The following CHCHD4 variants were observed in gnomAD, a reference collection of about 807,000 sequenced individuals.
The protein encoded by CHCHD4 is coiled-coil-helix-coiled-coil-helix domain containing 4.
Under a neutral mutation model 12.4 loss-of-function variants are expected in CHCHD4, and 7 were observed. The observed-to-expected ratio is 0.57, with a 90% CI of 0.32 to 1.06. The LOEUF (loss-of-function observed/expected upper bound fraction) is 1.06. CHCHD4 is among the 50% of genes least tolerant of loss of function. The pLI is 0.04. For missense variants in CHCHD4, 143 were observed against 175.1 expected, an observed-to-expected ratio of 0.82 and a Z score of 1.03; for synonymous variants, 56 against 58.0, an observed-to-expected ratio of 0.97 and a Z score of 0.16.
chr3:14,124,533 A>C, intron 1 of CHCHD4, 122 bp downstream of exon 1: 1 of 802,920 alleles, frequency 1.2e-6, no homozygotes. Context: ...CGAGTGTCCC[A>C]GGGTGGGCAC....
chr3:14,117,649 T>C (rs963589695), intron 1 of CHCHD4, among the ~76,000 whole-genome samples: 1 of 152,196 alleles, frequency 6.6e-6, no homozygotes, highest in Non-Finnish European at 1.5e-5. Context: ...CGGTGGGTCA[T>C]CAGTTTCTCC....
At position 14,113,219 on chromosome 3, in the gene CHCHD4, T is replaced by G. The variant is rs189634026; in HGVS notation, c.122-25A>C. The G allele has an allele frequency of 3.5e-5, 54 of 1,553,990 alleles. No individual in the cohort carries two copies. The East Asian group carries it at 9.7e-4, about 28-fold the overall frequency. On this transcript the variant is annotated intron_variant, in intron 2 of 2. Coordinates refer to ENST00000396914, the MANE Select transcript of CHCHD4 (RefSeq NM_001098502.2). ...CCTAGAACAGGAAGATAGAGAGATGTTCTCTAAAGTTTCAGAAAATACAAA... is the reference window on the plus strand; with the variant it reads ...CCTAGAACAGGAAGATAGAGAGATGGTCTCTAAAGTTTCAGAAAATACAAA...
chr3:14,114,204 TC>T (rs1694851626), intron 2 of CHCHD4, among the ~76,000 whole-genome samples: 1 of 152,186 alleles, frequency 6.6e-6, no homozygotes, highest in South Asian at 2.1e-4. Flanking sequence ...GCTCCACTGA[TC>T]AATGGATCTG....
intron 1 of CHCHD4, among the ~76,000 whole-genome samples, chr3:14,119,765 T>C (rs1451948345): frequency 6.6e-6 from 1 of 152,192 alleles, no homozygotes; most frequent in Non-Finnish European, 1.5e-5. Flanking sequence ...GTCTGAGAAC[T>C]GGAGTTCAAA....
chr3:14,124,763 G>A lies in CHCHD4; in HGVS notation c.-87C>T. 4 of 1,420,508 alleles carry A rather than the reference G, an allele frequency of 2.8e-6. No homozygotes were observed. Among genetic ancestry groups the A allele is most frequent in the Non-Finnish European group, 3.7e-6 (4 of 1,067,846 alleles). 88.0% of individuals were successfully genotyped at this position (1,420,508 alleles called of 1,614,324 possible). A position where few individuals can be genotyped will look rare whatever the true frequency, so the allele number is the denominator to read the frequency against. On this transcript the variant is annotated 5_prime_UTR_variant, in exon 1 of 3. Transcript: ENST00000396914. ...CGTGACCTCCCTCTCCTCTGGCAGG[G>A]CGGGCTCCTCCGAAGCCCGCGCGGA...
intron 2 of CHCHD4, 78 bp from the exon 3 acceptor site, chr3:14,113,272 G>T (rs916366476): frequency 1.6e-6 from 2 of 1,227,186 alleles, no homozygotes. Flanking sequence ...AGGCTACTGA[G>T]GGGGTGCAGA....
At chr3:14,119,868 G>A (rs1574932133) in intron 1 of CHCHD4, among the ~76,000 whole-genome samples, 3 of 152,150 alleles carry the variant, frequency 2.0e-5, no homozygotes, top group South Asian at 2.1e-4. Flanking sequence ...CCTACCTCAC[G>A]TGGTTGGGGA....
At chr3:14,117,959 T>C (rs143207074) in intron 1 of CHCHD4, among the ~76,000 whole-genome samples, 154 of 152,336 alleles carry the variant, frequency 1.0e-3, no homozygotes, top group Middle Eastern at 3.4e-3. Context: ...TTGTGCACCT[T>C]GGGCAATGAA....
In CHCHD4 at chr3:14,116,537, G is replaced by A. The variant is rs1198145096; in HGVS notation, c.23-13C>T. On this transcript the variant is annotated splice_polypyrimidine_tract_variant and intron_variant, in intron 1 of 2. Coordinates refer to ENST00000396914, the MANE Select transcript of CHCHD4 (RefSeq NM_001098502.2). ...ATTCGATCCTTCCCTAGTGTTTGGA[G>A]AACAGAGGAAGAAATATTTCATTCA... The A allele has an allele frequency of 6.4e-7, 1 of 1,564,402 alleles. No homozygotes were observed. The highest frequency in any genetic ancestry group is 8.8e-7 in the Non-Finnish European group (1 of 1,134,266).
chr3:14,124,560 G>C, intron 1 of CHCHD4, 95 bp downstream of exon 1: 14 of 1,228,692 alleles, frequency 1.1e-5, no homozygotes, highest in Non-Finnish European at 1.5e-5. Flanking sequence ...CGCGCCTCAG[G>C]TGGCCCGCGC....
chr3:14,121,955 A>C, intron 1 of CHCHD4: 1 of 1,614,144 alleles, frequency 6.2e-7, no homozygotes, highest in Non-Finnish European at 8.5e-7. Flanking sequence ...CCTGGTGGTC[A>C]CAGATGAATA....
At chr3:14,114,683 T>G (rs1694858389) in intron 2 of CHCHD4, among the ~76,000 whole-genome samples, 1 of 152,048 alleles carries the variant, frequency 6.6e-6, no homozygotes, top group Non-Finnish European at 1.5e-5. Context: ...TAACAAAAAA[T>G]GTATAACCTA....
intron 1 of CHCHD4, among the ~76,000 whole-genome samples, chr3:14,124,305 G>A (rs1171195631): frequency 6.6e-6 from 1 of 152,178 alleles, no homozygotes; most frequent in Non-Finnish European, 1.5e-5. Context: ...GAGCGGTAGT[G>A]ATAATTAACC....
intron 1 of CHCHD4, chr3:14,122,126 C>T (rs1256092697): frequency 1.3e-6 from 2 of 1,528,808 alleles, no homozygotes; most frequent in East Asian, 4.8e-5. Context: ...TGTTCGCTCA[C>T]ACGTGTTTAG....
intron 2 of CHCHD4, among the ~76,000 whole-genome samples, chr3:14,114,094 CAT>C (rs975093121): frequency 7.9e-5 from 12 of 152,156 alleles, no homozygotes; most frequent in South Asian, 2.1e-4. Context: ...TGAAATTACA[CAT>C]GATTCTTCAC....
chr3:14,117,639 C>T (rs547410908), intron 1 of CHCHD4, among the ~76,000 whole-genome samples: 2 of 152,328 alleles, frequency 1.3e-5, no homozygotes, highest in Admixed American at 6.5e-5. Flanking sequence ...CCACACTGCA[C>T]GGTGGGTCAT....
chr3:14,115,633 A>G (rs966522965), intron 2 of CHCHD4, among the ~76,000 whole-genome samples: 1 of 152,228 alleles, frequency 6.6e-6, no homozygotes, highest in Non-Finnish European at 1.5e-5. Context: ...CCTACAAGGA[A>G]TATACACACA....
chr3:14,116,958 A>C (rs1325494503), intron 1 of CHCHD4, among the ~76,000 whole-genome samples: 1 of 152,218 alleles, frequency 6.6e-6, no homozygotes, highest in African/African-American at 2.4e-5. Flanking sequence ...CTGGGCTCCT[A>C]ATCGTGGCCG....
At chr3:14,120,523 C>T (rs965595389) in intron 1 of CHCHD4, among the ~76,000 whole-genome samples, 3 of 152,194 alleles carry the variant, frequency 2.0e-5, no homozygotes, top group Non-Finnish European at 4.4e-5. Context: ...CTTTCACCTC[C>T]TGCTCAGATG....
Sources: allele counts gnomAD v4.1 joint callset (sites outside exome capture counted in the v4.1 genomes callset), GRCh38; gene constraint gnomAD v4.1.1; transcripts MANE v1.5; gene names NCBI Gene and HGNC (gene_info 2026-07-23, HGNC 2026-07-21).